The following DLG2 variants were observed in gnomAD, a reference collection of about 807,000 sequenced individuals.
DLG2 encodes disks large homolog 2.
Under a neutral mutation model 132.5 loss-of-function variants are expected in DLG2, and 45 were observed. The observed-to-expected ratio is 0.34, with a 90% confidence interval of 0.27 to 0.44. The LOEUF (loss-of-function observed/expected upper bound fraction) is 0.44, where lower values mean the gene tolerates loss of function less well. DLG2 is among the 20% of genes least tolerant of loss of function. DLG2 has a pLI of 1.00. For missense variants in DLG2, 1,045 were observed against 1,196.9 expected (o/e 0.87, Z 1.87); for synonymous variants, 424 against 419.6 (o/e 1.01, Z -0.13).
At chr11:85,281,540 C>G (rs1399142682) in intron 4 of DLG2, among the ~76,000 whole-genome samples, 2 of 151,998 alleles carry the variant, frequency 1.3e-5, no homozygotes, top group Admixed American at 6.6e-5. Context: ...TTCTGTATGC[C>G]TTTTGGGAAG....
At chr11:84,693,682 C>T (rs2058301057) in intron 6 of DLG2, among the ~76,000 whole-genome samples, 1 of 151,710 alleles carries the variant, frequency 6.6e-6, no homozygotes, top group Non-Finnish European at 1.5e-5. Context: ...CTTATACACT[C>T]TGACTCCCAT....
chr11:84,353,753 C>A (rs2098595579), intron 7 of DLG2, among the ~76,000 whole-genome samples: 2 of 152,048 alleles, frequency 1.3e-5, no homozygotes, highest in South Asian at 2.1e-4. Flanking sequence ...CTTCTGTCAC[C>A]CTGACTGTGT....
chr11:84,175,852 CTTTAT>C (rs1360846551), intron 8 of DLG2, among the ~76,000 whole-genome samples: 2 of 152,042 alleles, frequency 1.3e-5, no homozygotes, highest in Admixed American at 6.6e-5. Context: ...CATTCTGCTG[CTTTAT>C]TTTATTTCAC....
At chr11:84,882,930 G>A (rs116479381) in intron 6 of DLG2, among the ~76,000 whole-genome samples, 12,217 of 151,914 alleles carry the variant, frequency 0.08, 1,051 homozygotes, top group African/African-American at 0.22. Flanking sequence ...ATAGGAATTT[G>A]CCATTTGACC....
chr11:83,843,533 T>A (rs34905738), intron 16 of DLG2, among the ~76,000 whole-genome samples: 1 of 152,100 alleles, frequency 6.6e-6, no homozygotes, highest in East Asian at 1.9e-4. Flanking sequence ...GACTTTTAGG[T>A]CCTTGTTTTG....
rs542445441 is a variant in DLG2, at chr11:83,546,233, C to T, written c.1941-4375G>A. 9.2e-5 allele frequency among the ~76,000 whole-genome samples: 14 copies of T among 152,160 alleles called. No homozygotes were observed. The East Asian group carries it at 2.1e-3, about 23-fold the overall frequency. On this transcript the variant is annotated intron_variant, in intron 19 of 27. Coordinates refer to ENST00000376104, the MANE Select transcript of DLG2 (RefSeq NM_001142699.3). ...TAACAAAATAGTGCTTTTTAGGTGT[C>T]GCACAATGTAGTAAGCATTTTATAT...
intron 12 of DLG2, among the ~76,000 whole-genome samples, chr11:83,978,836 C>G (rs185522690): frequency 1.3e-5 from 2 of 152,066 alleles, no homozygotes; most frequent in Non-Finnish European, 1.5e-5. Flanking sequence ...AAAGAACTGA[C>G]TGACAAATTC....
chr11:84,142,619 G>A (rs562648421), intron 9 of DLG2, among the ~76,000 whole-genome samples: 1 of 152,098 alleles, frequency 6.6e-6, no homozygotes, highest in Non-Finnish European at 1.5e-5. Flanking sequence ...TCACCAATGC[G>A]GGTGAGAGTC....
intron 18 of DLG2, among the ~76,000 whole-genome samples, chr11:83,673,490 A>G (rs1009239687): frequency 6.6e-6 from 1 of 152,222 alleles, no homozygotes; most frequent in African/African-American, 2.4e-5. Flanking sequence ...GGGCAACTGA[A>G]GCAAGCAAGA....
intron 3 of DLG2, among the ~76,000 whole-genome samples, chr11:85,505,988 T>A (rs192834306): frequency 6.6e-6 from 1 of 152,216 alleles, no homozygotes; most frequent in Admixed American, 6.5e-5. Context: ...TTCTTCTAGA[T>A]TTTCTAATTT....
chr11:83,993,378 A>G (rs1414339212), intron 11 of DLG2, among the ~76,000 whole-genome samples: 1 of 152,170 alleles, frequency 6.6e-6, no homozygotes, highest in Non-Finnish European at 1.5e-5. Flanking sequence ...TCAAGGGGGA[A>G]AAAGTATATG....
intron 3 of DLG2, among the ~76,000 whole-genome samples, chr11:85,341,778 C>T (rs2082522222): frequency 6.6e-6 from 1 of 152,194 alleles, no homozygotes; most frequent in Non-Finnish European, 1.5e-5. Context: ...TGTACTTACA[C>T]AAGCCTAGGT....
chr11:84,035,381 T>G (rs12792083), intron 11 of DLG2, among the ~76,000 whole-genome samples: 3,410 of 152,288 alleles, frequency 0.022, 70 homozygotes, highest in Middle Eastern at 0.037. Context: ...ATATTTATAA[T>G]ACAATGTTTG....
intron 3 of DLG2, among the ~76,000 whole-genome samples, chr11:85,344,989 C>A (rs2082732680): frequency 6.6e-6 from 1 of 151,106 alleles, no homozygotes; most frequent in African/African-American, 2.5e-5. Flanking sequence ...CAGCAAAATA[C>A]TGTACTTAAG....
chr11:83,611,569 T>C (rs1380816469), intron 19 of DLG2, among the ~76,000 whole-genome samples: 2 of 152,248 alleles, frequency 1.3e-5, no homozygotes, highest in African/African-American at 4.8e-5. Context: ...TTAAGACTTT[T>C]ACACTTATCT....
intron 3 of DLG2, among the ~76,000 whole-genome samples, chr11:85,538,689 A>G (rs961214505): frequency 1.3e-5 from 2 of 151,882 alleles, no homozygotes; most frequent in Non-Finnish European, 2.9e-5. Flanking sequence ...TGTCCTTTGT[A>G]GGGACATGGA....
intron 4 of DLG2, among the ~76,000 whole-genome samples, chr11:85,280,862 G>A (rs2078177756): frequency 6.6e-6 from 1 of 151,718 alleles, no homozygotes; most frequent in Non-Finnish European, 1.5e-5. Flanking sequence ...CTTTTAAAAT[G>A]TTTTTAAAAA....
intron 3 of DLG2, among the ~76,000 whole-genome samples, chr11:85,363,760 A>G (rs2152904358): frequency 6.6e-6 from 1 of 152,358 alleles, no homozygotes; most frequent in South Asian, 2.1e-4. Flanking sequence ...TGGCATTTTA[A>G]TGTTCATAAG....
intron 6 of DLG2, among the ~76,000 whole-genome samples, chr11:84,882,949 C>T (rs770455097): frequency 1.8e-4 from 28 of 152,136 alleles, no homozygotes; most frequent in African/African-American, 6.7e-4. Context: ...CCCAGCAATC[C>T]CATTCCTGGG....
Sources: allele counts gnomAD v4.1 joint callset (sites outside exome capture counted in the v4.1 genomes callset), GRCh38; gene constraint gnomAD v4.1.1; transcripts MANE v1.5; gene names NCBI Gene and HGNC (gene_info 2026-07-23, HGNC 2026-07-21).